The following CRELD2 variants were observed in gnomAD, a reference collection of about 807,000 sequenced individuals.
CRELD2 encodes protein disulfide isomerase CRELD2.
A neutral mutation model predicts 48.1 loss-of-function variants in CRELD2; 33 were observed. The observed-to-expected ratio is 0.69, with a 90% CI of 0.52 to 0.92. The LOEUF (loss-of-function observed/expected upper bound fraction) is 0.92, where lower values mean the gene tolerates loss of function less well. Ranked by LOEUF, CRELD2 falls within the 40% of genes least tolerant of loss-of-function variation. The pLI is 0.00. For missense variants in CRELD2, 477 were observed against 482.4 expected, an observed-to-expected ratio of 0.99 and a Z score of 0.10; for synonymous variants, 220 against 203.9, an observed-to-expected ratio of 1.08 and a Z score of -0.67.
Position 49,919,849 on chromosome 22 carries a change from C to T in CRELD2, c.323+9C>T. ...GCCTGGTGGCTGCAGCTGTGAGTGC[C>T]TTAAAACCTCTTAGAAGATACTTTT... On this transcript the variant is annotated intron_variant, in intron 3 of 9. Transcript: ENST00000328268. 2 of 1,532,822 alleles carry T rather than the reference C, an allele frequency of 1.3e-6. No individual in the cohort carries two copies. Among genetic ancestry groups the T allele is most frequent in the Non-Finnish European group, 9.0e-7 (1 of 1,114,898 alleles). 95.0% of individuals were successfully genotyped at this position (1,532,822 alleles called of 1,614,324 possible). A position where few individuals can be genotyped will look rare whatever the true frequency, so the allele number is the denominator to read the frequency against.
rs8135120 is a variant in CRELD2, at chr22:49,921,580, T to C, written c.416-5T>C. Reference sequence around the variant, plus strand: ...GCTCTGAGCATGGTTTTGTGTCCCCTAAAGCATGCCAGGGCGGATCCCAGA... The same window carrying C: ...GCTCTGAGCATGGTTTTGTGTCCCCCAAAGCATGCCAGGGCGGATCCCAGA... On this transcript the variant is annotated splice_region_variant and splice_polypyrimidine_tract_variant and intron_variant, in intron 4 of 9. Coordinates refer to ENST00000328268, the MANE Select transcript of CRELD2 (RefSeq NM_024324.5). 92,511 of 1,611,402 alleles carry C rather than the reference T, an allele frequency of 0.057. 11,767 individuals carry two copies. The highest frequency in any genetic ancestry group is 0.51 in the African/African-American group (38,562 of 74,890).
At chr22:49,924,269 C>A in intron 7 of CRELD2, 91 bp from the exon 8 acceptor site, 1 of 850,006 alleles carries the variant, frequency 1.2e-6, no homozygotes, top group Non-Finnish European at 1.9e-6. Flanking sequence ...AAACCCAAAT[C>A]CTGGCGGCAC....
At position 49,918,800 on chromosome 22, in the gene CRELD2, C is replaced by T. The variant is rs2060641325; in HGVS notation, c.31C>T (p.Leu11Phe). The T allele has an allele frequency of 2.3e-6, 3 of 1,323,782 alleles. No individual in the cohort carries two copies. The South Asian group carries it at 5.9e-5, about 26-fold the overall frequency. 82.0% of individuals were successfully genotyped at this position (1,323,782 alleles called of 1,614,324 possible). A position where few individuals can be genotyped will look rare whatever the true frequency, so the allele number is the denominator to read the frequency against. Residue 11 changes from leucine to phenylalanine, a missense_variant, in exon 1 of 10, where the codon CTC becomes TTC. By Grantham distance (22) the Leu-to-Phe change is conservative (BLOSUM62 0). Coordinates refer to ENST00000328268, the MANE Select transcript of CRELD2 (RefSeq NM_024324.5). ...CCTGCCGCGCCGGGCCGCGCTGGGGCTCCTGCCGCTTCTGCTGCTGCTGCC... is the reference window on the plus strand; with the variant it reads ...CCTGCCGCGCCGGGCCGCGCTGGGGTTCCTGCCGCTTCTGCTGCTGCTGCC... Reference protein sequence around the residue: MRLPRRAALGLLPLLLLLPPA... With the variant: MRLPRRAALGFLPLLLLLPPA...
intron 8 of CRELD2, 153 bp from the exon 9 acceptor site, chr22:49,925,264 C>G: frequency 1.7e-6 from 1 of 594,406 alleles, no homozygotes; most frequent in Non-Finnish European, 2.9e-6. Context: ...TCTTCCCTCT[C>G]GAAGCCTTTC....
chr22:49,919,696 G>T (rs183268793), intron 2 of CRELD2, 34 bp from the exon 3 acceptor site: 3 of 1,519,548 alleles, frequency 2.0e-6, no homozygotes, highest in Non-Finnish European at 2.7e-6. Context: ...CCTTGGAGGC[G>T]CTGACGGTGG....
At chr22:49,923,377 C>A in intron 7 of CRELD2, 60 bp downstream of exon 7, 1 of 1,288,288 alleles carries the variant, frequency 7.8e-7, no homozygotes, top group South Asian at 1.2e-5. Flanking sequence ...CTGCCTTTGT[C>A]AACATTCATT....
At chr22:49,922,572 G>T (rs947423350) in intron 5 of CRELD2, 40 bp from the exon 6 acceptor site, 1 of 1,500,566 alleles carries the variant, frequency 6.7e-7, no homozygotes, top group Non-Finnish European at 9.0e-7. Context: ...GCTGGTACCT[G>T]AGAGTGGGGT....
intron 8 of CRELD2, chr22:49,925,023 C>CG (rs1199590025): frequency 2.4e-5 from 4 of 163,366 alleles, no homozygotes; most frequent in East Asian, 3.6e-4. Flanking sequence ...CCCAGCTACT[C>CG]GGGGGGCTGA....
intron 8 of CRELD2, 191 bp downstream of exon 8, chr22:49,924,646 G>T (rs2060739543): frequency 4.3e-6 from 2 of 467,830 alleles, no homozygotes; most frequent in East Asian, 7.5e-5. Flanking sequence ...TGGGGGACGG[G>T]CTCTGCATGG....
chr22:49,925,130 C>CA (rs375087898), intron 8 of CRELD2: 7,099 of 146,220 alleles, frequency 0.049, no homozygotes, highest in South Asian at 0.093. Flanking sequence ...GACTCCGCCT[C>CA]AAAAAAAAAA....
At chr22:49,925,946 G>A (rs777517806) in intron 9 of CRELD2, 9 of 197,774 alleles carry the variant, frequency 4.6e-5, no homozygotes, top group Non-Finnish European at 9.2e-5. Context: ...AGGGCAAGCG[G>A]GTCCCCCACA....
At chr22:49,924,911 C>T (rs2060742984) in intron 8 of CRELD2, 1 of 161,850 alleles carries the variant, frequency 6.2e-6, no homozygotes, top group Admixed American at 6.3e-5. Context: ...GCGGGGGGAT[C>T]ACGAGGTCAG....
intron 5 of CRELD2, 146 bp downstream of exon 5, chr22:49,921,907 T>C: frequency 1.3e-6 from 1 of 790,904 alleles, no homozygotes; most frequent in South Asian, 1.8e-5. Flanking sequence ...GAAGGATGAA[T>C]GAAAACATCA....
At chr22:49,919,976 GT>G in intron 3 of CRELD2, 136 bp downstream of exon 3, 1 of 809,798 alleles carries the variant, frequency 1.2e-6, no homozygotes. Flanking sequence ...CTGCATTACC[GT>G]TTTTTATCAC....
chr22:49,923,609 G>A (rs917915661), intron 7 of CRELD2: 11 of 527,874 alleles, frequency 2.1e-5, no homozygotes, highest in South Asian at 4.0e-5. Flanking sequence ...GTGACTTTCC[G>A]CAGCGCCTGT....
At chr22:49,925,179 G>T in intron 8 of CRELD2, 1 of 380,008 alleles carries the variant, frequency 2.6e-6, no homozygotes, top group Non-Finnish European at 4.7e-6. Flanking sequence ...GGCGCATGCT[G>T]GCCTTCCGGC....
chr22:49,921,294 C>G (rs2060683967), intron 4 of CRELD2: 1 of 421,514 alleles, frequency 2.4e-6, no homozygotes, highest in Non-Finnish European at 4.3e-6. Context: ...GCTTTAGTAT[C>G]ATCTTAGGGG....
At chr22:49,924,126 A>T (rs1024245329) in intron 7 of CRELD2, 5 of 412,282 alleles carry the variant, frequency 1.2e-5, no homozygotes, top group Non-Finnish European at 2.2e-5. Context: ...AGTTTCTCCC[A>T]AAGAGTTCCA....
intron 9 of CRELD2, 25 bp from the exon 10 acceptor site, chr22:49,927,230 A>G (rs780439006): frequency 6.2e-7 from 1 of 1,610,440 alleles, no homozygotes; most frequent in South Asian, 1.1e-5. Flanking sequence ...CTCAGCCTTG[A>G]CGACCTATGC....
Sources: gnomAD v4.1 joint callset for allele counts on GRCh38, gnomAD v4.1.1 for gene constraint, MANE v1.5 for transcripts, NCBI Gene and HGNC (gene_info 2026-07-23, HGNC 2026-07-21) for gene names.